ACTR1A: variants seen among roughly 807,000 people sequenced by gnomAD.
The protein encoded by ACTR1A is actin related protein 1A, also known as alpha-centractin.
Under a neutral mutation model 50.7 loss-of-function variants are expected in ACTR1A, and 10 were observed. That is an observed-to-expected ratio of 0.20 (90% CI 0.12 to 0.33). ACTR1A has a LOEUF of 0.33. Among genes scored for constraint, ACTR1A ranks in the 10% least tolerant of loss-of-function variants. ACTR1A has a pLI of 1.00. For synonymous variants in ACTR1A, 177 were observed against 184.2 expected (o/e 0.96, Z 0.32); for missense variants, 253 against 491.7 (o/e 0.51, Z 4.59).
rs1451842311 is a variant in ACTR1A at position 102,479,320 on chromosome 10, C to G, written c.*1543G>C. On this transcript the variant is annotated 3_prime_UTR_variant, in exon 11 of 11. Coordinates refer to ENST00000369905, the MANE Select transcript of ACTR1A (RefSeq NM_005736.4). This position sits in a 1 kb window ranked among gnomAD's most constrained non-coding sequence, Gnocchi z 4.0. ...AGGCTGTGCGAGGGACAGGCTTGGG[C>G]TAAGAGAAGGGAGGTGAGTTGGTTA... 1 of 402,162 alleles carries G rather than the reference C, an allele frequency of 2.5e-6. No individual in the cohort carries two copies. The highest frequency in any genetic ancestry group is 4.6e-6 in the Non-Finnish European group (1 of 216,470). 24.9% of individuals were successfully genotyped at this position (402,162 alleles called of 1,614,324 possible).
chr10:102,485,806 C>A (rs1206550939), intron 4 of ACTR1A, 73 bp from the exon 5 acceptor site: 2 of 1,586,806 alleles, frequency 1.3e-6, no homozygotes, highest in Non-Finnish European at 1.7e-6. Context: ...GGGGAGAAGA[C>A]CCTGCCTTGC....
At chr10:102,492,767 C>T (rs557593588) in intron 1 of ACTR1A, among the ~76,000 whole-genome samples, 45 of 152,060 alleles carry the variant, frequency 3.0e-4, no homozygotes, top group Middle Eastern at 3.4e-3. Context: ...TGTGGGAGGC[C>T]GAAGCGGGGC....
intron 1 of ACTR1A, among the ~76,000 whole-genome samples, chr10:102,491,159 A>C (rs1398546942): frequency 1.3e-5 from 2 of 152,212 alleles, no homozygotes; most frequent in African/African-American, 4.8e-5. Context: ...ACTTTTCTAC[A>C]TTGAACATGT....
At chr10:102,484,513 G>C in intron 5 of ACTR1A, 137 bp from the exon 6 acceptor site, 1 of 730,262 alleles carries the variant, frequency 1.4e-6, no homozygotes. Flanking sequence ...AATGGACTGG[G>C]TACTAAGGAA....
In ACTR1A at chr10:102,479,660, G is replaced by A; in HGVS notation, c.*1203C>T. The stretch of plus-strand genomic sequence containing the variant: ...CAAGGTCAAGAATGGCACAAGATCA[G>A]CCCAGAGGGGGCCTTCCCACCTCTA... On this transcript the variant is annotated 3_prime_UTR_variant, in exon 11 of 11. Transcript: ENST00000369905. This position sits in a 1 kb window ranked among gnomAD's most constrained non-coding sequence, Gnocchi z 4.0. The A allele has an allele frequency of 7.8e-7, 1 of 1,289,506 alleles. No individual in the cohort carries two copies. The highest frequency in any genetic ancestry group is 1.0e-6 in the Non-Finnish European group (1 of 988,852). The allele number at this position is 1,289,506 out of a possible 1,614,324, so 79.9% of individuals were successfully genotyped here. A position where few individuals can be genotyped will look rare whatever the true frequency, so the allele number is the denominator to read the frequency against.
chr10:102,484,897 CA>C (rs2062159393), intron 5 of ACTR1A, among the ~76,000 whole-genome samples: 1 of 152,198 alleles, frequency 6.6e-6, no homozygotes, highest in African/African-American at 2.4e-5. Context: ...GCCAACAGAG[CA>C]TGGACAGGCT....
Position 102,480,885 on chromosome 10 carries a change from G to T in ACTR1A, c.1109C>A (p.Ser370Tyr). ...ACATTAGAAGGTTTTTCTGTGGATG[G>T]ATCGGGCACCGTCTTCCTCATATTC... ...KKEYEEDGAR[S>Y]IHRKTF Residue 370 changes from serine to tyrosine, a missense_variant, in exon 11 of 11, where the codon TCC (serine) becomes TAC (tyrosine). This residue lies in a region of ACTR1A where 14 missense variants were observed against 16.3 expected (regional missense o/e 0.86). Coordinates refer to ENST00000369905, the MANE Select transcript of ACTR1A (RefSeq NM_005736.4). 6.2e-7 allele frequency: 1 copy of T among 1,613,862 alleles called. No individual in the cohort carries two copies. The highest frequency in any genetic ancestry group is 1.3e-5 in the African/African-American group (1 of 75,056).
rs2062133916 is a variant in ACTR1A at position 102,480,611 on chromosome 10, C to G, written c.*252G>C. The stretch of plus-strand genomic sequence containing the variant: ...AGGCCACCTGAGGAGGGAGCACAGC[C>G]TCTGCCAGCGCTCTTCCCTGTCAGG... On this transcript the variant is annotated 3_prime_UTR_variant, in exon 11 of 11. Coordinates refer to ENST00000369905, the MANE Select transcript of ACTR1A (RefSeq NM_005736.4). 1.9e-6 allele frequency: 1 copy of G among 540,086 alleles called. No individual in the cohort carries two copies. Among genetic ancestry groups the G allele is most frequent in the Non-Finnish European group, 3.3e-6 (1 of 300,828 alleles). The allele number at this position is 540,086 out of a possible 1,614,324, so 33.5% of individuals were successfully genotyped here. A position where few individuals can be genotyped will look rare whatever the true frequency, so the allele number is the denominator to read the frequency against.
At chr10:102,490,375 A>T (rs1445665084) in intron 2 of ACTR1A, among the ~76,000 whole-genome samples, 174 bp downstream of exon 2, 1 of 152,050 alleles carries the variant, frequency 6.6e-6, no homozygotes, top group Non-Finnish European at 1.5e-5. Flanking sequence ...ATTTTTTAGC[A>T]TCAGATAAAA....
chr10:102,481,934 T>C (rs1404033350), intron 8 of ACTR1A, 36 bp from the exon 9 acceptor site: 2 of 1,613,446 alleles, frequency 1.2e-6, no homozygotes, highest in Non-Finnish European at 1.7e-6. Flanking sequence ...AAGTCAATTC[T>C]CAGGGTGCCT....
rs552166438 is a variant in ACTR1A at position 102,502,518 on chromosome 10, C to G, written c.48+82G>C. On this transcript the variant is annotated intron_variant, in intron 1 of 10. Transcript: ENST00000369905. The stretch of plus-strand genomic sequence containing the variant: ...GGCCGGGCCAGTGACAAAGAGCCGG[C>G]GGCTCAGGCTGAACCCCGGGAAGCG... 7 of 1,488,500 alleles carry G rather than the reference C, an allele frequency of 4.7e-6. No individual in the cohort carries two copies. In the Admixed American group the frequency reaches 1.0e-4, roughly 22 times the overall value. 92.2% of individuals were successfully genotyped at this position (1,488,500 alleles called of 1,614,324 possible). A position where few individuals can be genotyped will look rare whatever the true frequency, so the allele number is the denominator to read the frequency against.
rs752780026 is a variant in ACTR1A at position 102,482,048 on chromosome 10, G to A, written c.878C>T (p.Thr293Met). Reference protein sequence around the residue: ...IQKSDMDLRRTLFSNIVLSGG... With the variant: ...IQKSDMDLRRMLFSNIVLSGG... ...TGAGAGGACAATGTTAGAGAAAAGC[G>A]TGCGCCGCAGGTCCATGTCTGACTT... The change falls in exon 8 of 11, where the codon ACG becomes ATG. Residue 293 changes from threonine (T) to methionine (M), a missense_variant. This residue lies in a region of ACTR1A where 116 missense variants were observed against 155.9 expected (regional missense o/e 0.74). Coordinates refer to ENST00000369905, the MANE Select transcript of ACTR1A (RefSeq NM_005736.4). The surrounding 1 kb of genome is among the most constrained non-coding windows in gnomAD (Gnocchi z 5.6). The A allele has an allele frequency of 2.4e-5, 38 of 1,614,112 alleles. No homozygotes were observed. The highest frequency in any genetic ancestry group is 1.1e-4 in the African/African-American group (8 of 74,936).
intron 5 of ACTR1A, among the ~76,000 whole-genome samples, chr10:102,485,339 C>A (rs948504239): frequency 7.7e-4 from 118 of 152,366 alleles, no homozygotes; most frequent in African/African-American, 2.8e-3. Context: ...GCTGCCTCGG[C>A]AGGCCCAGCC....
intron 1 of ACTR1A, among the ~76,000 whole-genome samples, chr10:102,491,455 A>C (rs1053925726): frequency 1.1e-4 from 17 of 152,234 alleles, no homozygotes; most frequent in African/African-American, 3.4e-4. Flanking sequence ...TCTTATTGCA[A>C]GGGCAGAGCA....
At chr10:102,491,972 TG>T (rs1391198338) in intron 1 of ACTR1A, among the ~76,000 whole-genome samples, 69 of 143,658 alleles carry the variant, frequency 4.8e-4, no homozygotes, top group Middle Eastern at 3.6e-3. Flanking sequence ...GGTTTCACCG[TG>T]TTAGCCAGGA....
intron 9 of ACTR1A, 70 bp from the exon 10 acceptor site, chr10:102,481,242 C>T: frequency 1.4e-6 from 2 of 1,472,364 alleles, no homozygotes; most frequent in Non-Finnish European, 9.2e-7. Flanking sequence ...CAATGCTCCT[C>T]TTTCTGCCCA....
intron 1 of ACTR1A, among the ~76,000 whole-genome samples, chr10:102,501,598 G>A (rs1168675222): frequency 6.6e-6 from 1 of 152,132 alleles, no homozygotes; most frequent in Non-Finnish European, 1.5e-5. Context: ...GGTCAATATT[G>A]ATGCTTCTGC....
At chr10:102,481,578 A>T (rs1203976736) in intron 9 of ACTR1A, among the ~76,000 whole-genome samples, 2 of 152,116 alleles carry the variant, frequency 1.3e-5, no homozygotes, top group African/African-American at 4.8e-5. Context: ...AAGATCACGC[A>T]GGGGGCCCTC....
At chr10:102,501,242 T>C (rs2062249902) in intron 1 of ACTR1A, among the ~76,000 whole-genome samples, 1 of 152,252 alleles carries the variant, frequency 6.6e-6, no homozygotes, top group South Asian at 2.1e-4. Context: ...CTTAGTCTGA[T>C]GACTGGCTCC....
Sources: allele counts gnomAD v4.1 joint callset (sites outside exome capture counted in the v4.1 genomes callset), GRCh38; gene constraint gnomAD v4.1.1; regional missense constraint gnomAD v4.1.1; non-coding constraint Gnocchi (gnomAD v3.1); transcripts MANE v1.5; gene names NCBI Gene and HGNC (gene_info 2026-07-23, HGNC 2026-07-21).